RUFY4: variants seen among roughly 807,000 people sequenced by gnomAD.
The protein encoded by RUFY4 is RUN and FYVE domain-containing protein 4.
A neutral mutation model predicts 69.0 loss-of-function variants in RUFY4; 73 were observed. The observed-to-expected ratio is 1.06, with a 90% CI of 0.88 to 1.29. The LOEUF (loss-of-function observed/expected upper bound fraction) is 1.29, where lower values mean the gene tolerates loss of function less well. Ranked by LOEUF, RUFY4 falls within the 50% of genes most tolerant of loss-of-function variation. The pLI is 0.00. For missense variants in RUFY4, 770 were observed against 705.6 expected (o/e 1.09, Z -1.03); for synonymous variants, 287 against 271.8 (o/e 1.06, Z -0.55).
At chr2:218,088,907 C>T (rs747006946) in intron 9 of RUFY4, among the ~76,000 whole-genome samples, 3 of 151,600 alleles carry the variant, frequency 2.0e-5, no homozygotes, top group African/African-American at 4.9e-5. Flanking sequence ...TTCTCTATGT[C>T]ACTCTCTGTC....
rs996201973 is a variant in RUFY4 at position 218,088,759 on chromosome 2, G to A, written c.1503-493G>A. On this transcript the variant is annotated intron_variant, in intron 9 of 10. Transcript: ENST00000344321. ...TCTCACTGTCTCTTCATTTCTCTCC[G>A]TCTTTCTCTGGCCCCTATGTCTCTT... 5.9e-5 allele frequency among the ~76,000 whole-genome samples: 9 copies of A among 151,982 alleles called. No individual in the cohort carries two copies. In the South Asian group the frequency reaches 1.2e-3, roughly 21 times the overall value.
At chr2:218,044,584 T>C (rs1178385359) in intron 2 of RUFY4, among the ~76,000 whole-genome samples, 1 of 152,144 alleles carries the variant, frequency 6.6e-6, no homozygotes, top group Non-Finnish European at 1.5e-5. Flanking sequence ...CCTTTTTCTT[T>C]CTCCTCCCAC....
chr2:218,042,160 A>T (rs916816263), intron 2 of RUFY4, among the ~76,000 whole-genome samples: 1 of 152,266 alleles, frequency 6.6e-6, no homozygotes, highest in African/African-American at 2.4e-5. Flanking sequence ...CACTTGGGAT[A>T]TAAAGGCAAC....
chr2:218,070,546 G>A (rs558560458), exon 1 of RUFY4: 44 of 1,452,132 alleles, frequency 3.0e-5, no homozygotes, highest in East Asian at 2.7e-4. Flanking sequence ...CAGTGAGGCC[G>A]AAAGTCCTTC....
At chr2:218,086,059 A>C (rs1003461627) in intron 9 of RUFY4, among the ~76,000 whole-genome samples, 1 of 152,272 alleles carries the variant, frequency 6.6e-6, no homozygotes, top group Non-Finnish European at 1.5e-5. Context: ...CAAAAGATGA[A>C]AAACATTCTT....
chr2:218,074,012 C>T (rs556329046), intron 6 of RUFY4, 127 bp downstream of exon 8: 4 of 931,328 alleles, frequency 4.3e-6, no homozygotes, highest in Middle Eastern at 2.1e-4. Flanking sequence ...ACAGACAGAG[C>T]AAGAGGCCAG....
intron 2 of RUFY4, among the ~76,000 whole-genome samples, chr2:218,051,606 C>A (rs1322748314): frequency 1.4e-5 from 2 of 145,498 alleles, no homozygotes; most frequent in Non-Finnish European, 3.0e-5. Flanking sequence ...AAGTGTAGGG[C>A]AGTAATGAGA....
At chr2:218,043,958 C>T (rs2106027562) in intron 2 of RUFY4, among the ~76,000 whole-genome samples, 1 of 152,364 alleles carries the variant, frequency 6.6e-6, no homozygotes, top group South Asian at 2.1e-4. Context: ...GCTGGTGTCC[C>T]AGTACTGCTC....
At chr2:218,074,188 A>G (rs866853237) in intron 6 of RUFY4, among the ~76,000 whole-genome samples, 15 of 152,264 alleles carry the variant, frequency 9.9e-5, no homozygotes, top group African/African-American at 3.6e-4. Flanking sequence ...AGCTTCAGGA[A>G]ACAGATGAGA....
upstream of RUFY4, among the ~76,000 whole-genome samples, chr2:218,068,018 C>T (rs1393339980): frequency 5.3e-5 from 8 of 152,212 alleles, no homozygotes; most frequent in Admixed American, 5.2e-4. Context: ...CAGGGAGAAA[C>T]CAGCGCCACA....
intron 9 of RUFY4, 39 bp from the exon 12 acceptor site, chr2:218,089,213 G>A: frequency 6.6e-7 from 1 of 1,509,326 alleles, no homozygotes; most frequent in South Asian, 1.1e-5. Context: ...TTTGATCTCT[G>A]TCTCTGTCTG....
At chr2:218,053,257 C>G (rs1012983819) in intron 2 of RUFY4, among the ~76,000 whole-genome samples, 3 of 151,946 alleles carry the variant, frequency 2.0e-5, no homozygotes, top group African/African-American at 7.3e-5. Flanking sequence ...CCTGGAAAGT[C>G]TCAAAGGATG....
upstream of RUFY4, among the ~76,000 whole-genome samples, chr2:218,066,905 C>A (rs1214405544): frequency 1.3e-5 from 2 of 152,202 alleles, no homozygotes; most frequent in Non-Finnish European, 2.9e-5. Flanking sequence ...GTCTTGATTA[C>A]TGTTGCTTTA....
At chr2:218,046,758 T>C (rs1438247520) in intron 2 of RUFY4, among the ~76,000 whole-genome samples, 1 of 152,220 alleles carries the variant, frequency 6.6e-6, no homozygotes, top group Non-Finnish European at 1.5e-5. Context: ...TATTTGGCAG[T>C]GCCTCTCATG....
At chr2:218,079,337 CTTCCTGAGGAA>C (rs1021335079) in intron 8 of RUFY4, among the ~76,000 whole-genome samples, 2 of 152,164 alleles carry the variant, frequency 1.3e-5, no homozygotes, top group Non-Finnish European at 2.9e-5. Context: ...TGAAGTAGAA[CTTCCTGAGGAA>C]TTGGATATGC....
chr2:218,085,051 AAAAG>A (rs1002914774), intron 9 of RUFY4, among the ~76,000 whole-genome samples: 5 of 152,210 alleles, frequency 3.3e-5, no homozygotes, highest in South Asian at 4.1e-4. Context: ...TCCATCTCAA[AAAAG>A]AAAGAAAGAA....
intron 8 of RUFY4, among the ~76,000 whole-genome samples, chr2:218,076,899 T>C (rs1559435290): frequency 1.3e-5 from 2 of 152,236 alleles, no homozygotes; most frequent in Non-Finnish European, 2.9e-5. Flanking sequence ...CCCCCATCTC[T>C]TTCTGTCTCC....
upstream of RUFY4, chr2:218,065,711 C>A (rs1689307883): frequency 6.6e-6 from 1 of 152,442 alleles, no homozygotes; most frequent in East Asian, 1.9e-4. Flanking sequence ...CTGGGAGCAA[C>A]TGAGCAGAGG....
chr2:218,044,704 T>C (rs1013263597), intron 2 of RUFY4, among the ~76,000 whole-genome samples: 1 of 152,240 alleles, frequency 6.6e-6, no homozygotes, highest in Non-Finnish European at 1.5e-5. Context: ...TTTAGGTTTC[T>C]GTTCCTGCAT....
Sources: allele counts gnomAD v4.1 joint callset (sites outside exome capture counted in the v4.1 genomes callset), GRCh38; gene constraint gnomAD v4.1.1; transcripts MANE v1.5; gene names NCBI Gene and HGNC (gene_info 2026-07-23, HGNC 2026-07-21).